ADAMTS3: variants seen among roughly 807,000 people sequenced by gnomAD.
ADAMTS3 encodes the protein A disintegrin and metalloproteinase with thrombospondin motifs 3.
ADAMTS3 carries 73 observed loss-of-function variants against 129.0 expected under a neutral mutation model. That is an observed-to-expected ratio of 0.57 (90% CI 0.47 to 0.69). The LOEUF (loss-of-function observed/expected upper bound fraction) is 0.69, where lower values mean the gene tolerates loss of function less well. Among genes scored for constraint, ADAMTS3 ranks in the 30% least tolerant of loss-of-function variants. The pLI, the probability that ADAMTS3 is intolerant of heterozygous loss-of-function variation, is 0.00. For synonymous variants in ADAMTS3, 477 were observed against 510.8 expected (o/e 0.93, Z 0.89); for missense variants, 1,457 against 1,514.5 (o/e 0.96, Z 0.63).
At chr4:72,417,931 T>TTAAAA (rs76545577) in intron 3 of ADAMTS3, among the ~76,000 whole-genome samples, 5 of 100,680 alleles carry the variant, frequency 5.0e-5, no homozygotes, top group South Asian at 4.2e-4. Context: ...AGACTCCATC[T>TTAAAA]CAAAAAAAAA....
At chr4:72,298,482 GT>G (rs1553904304) in intron 17 of ADAMTS3, 40 bp from the exon 18 acceptor site, 7 of 1,452,568 alleles carry the variant, frequency 4.8e-6, no homozygotes, top group Non-Finnish European at 6.5e-6. Flanking sequence ...TCACCTGAGG[GT>G]TTTAAATTTT....
At chr4:72,556,807 T>A (rs545862564) in intron 2 of ADAMTS3, among the ~76,000 whole-genome samples, 2 of 151,914 alleles carry the variant, frequency 1.3e-5, no homozygotes, top group East Asian at 3.9e-4. Context: ...AATAACACTT[T>A]AATAAATGAA....
chr4:72,500,826 C>T (rs754156202), intron 3 of ADAMTS3, among the ~76,000 whole-genome samples: 4 of 152,114 alleles, frequency 2.6e-5, no homozygotes, highest in African/African-American at 7.2e-5. Context: ...CGTTCTTCTG[C>T]AAATGGCTAG....
intron 4 of ADAMTS3, among the ~76,000 whole-genome samples, chr4:72,395,812 TTGTG>T (rs149262244): frequency 3.3e-5 from 5 of 150,350 alleles, no homozygotes; most frequent in Admixed American, 2.0e-4. Flanking sequence ...AGTAGTATAT[TTGTG>T]TGTGTGTGTG....
intron 13 of ADAMTS3, 25 bp from the exon 14 acceptor site, chr4:72,311,206 A>G (rs1336411113): frequency 6.3e-7 from 1 of 1,593,072 alleles, no homozygotes; most frequent in Admixed American, 1.7e-5. Context: ...GGATAAAATT[A>G]ACTATTTACA....
chr4:72,316,011 T>C (rs1261897731), intron 10 of ADAMTS3, 40 bp from the exon 11 acceptor site: 1 of 1,264,588 alleles, frequency 7.9e-7, no homozygotes, highest in Non-Finnish European at 1.1e-6. Context: ...AACTCTCAGC[T>C]AGCATGACAT....
chr4:72,329,197 C>T (rs1719776078), intron 5 of ADAMTS3, among the ~76,000 whole-genome samples: 1 of 151,856 alleles, frequency 6.6e-6, no homozygotes, highest in Non-Finnish European at 1.5e-5. Flanking sequence ...AAAATGAATG[C>T]AAAAAGACAT....
intron 2 of ADAMTS3, among the ~76,000 whole-genome samples, chr4:72,559,630 T>C (rs1445709593): frequency 6.6e-6 from 1 of 151,440 alleles, no homozygotes; most frequent in Non-Finnish European, 1.5e-5. Context: ...TGAGTAAAAG[T>C]TTTTTTAAAA....
At chr4:72,288,588 T>C (rs935867369) in intron 21 of ADAMTS3, among the ~76,000 whole-genome samples, 163 bp downstream of exon 21, 1 of 152,202 alleles carries the variant, frequency 6.6e-6, no homozygotes, top group African/African-American at 2.4e-5. Flanking sequence ...TTACCTCAAA[T>C]GCTGATCTTA....
intron 4 of ADAMTS3, among the ~76,000 whole-genome samples, chr4:72,384,921 C>A (rs1346721969): frequency 6.6e-6 from 1 of 152,136 alleles, no homozygotes; most frequent in African/African-American, 2.4e-5. Context: ...GTAATCCCAG[C>A]ACTTTGGGAG....
At chr4:72,401,983 T>C (rs1409678364) in intron 4 of ADAMTS3, among the ~76,000 whole-genome samples, 1 of 152,228 alleles carries the variant, frequency 6.6e-6, no homozygotes, top group African/African-American at 2.4e-5. Flanking sequence ...TCTAAGACAC[T>C]GAATCGATCT....
chr4:72,293,306 C>T (rs1268397993), intron 19 of ADAMTS3, among the ~76,000 whole-genome samples: 1 of 152,110 alleles, frequency 6.6e-6, no homozygotes, highest in East Asian at 1.9e-4. Flanking sequence ...GTTAGACCTC[C>T]TGATTCTTAA....
chr4:72,298,216 G>GGTTT, intron 18 of ADAMTS3, 61 bp downstream of exon 18: 1 of 1,420,504 alleles, frequency 7.0e-7, no homozygotes, highest in Non-Finnish European at 9.6e-7. Context: ...AATAAAGGTA[G>GGTTT]AAGCAAGATT....
At chr4:72,388,583 T>C (rs554879441) in intron 4 of ADAMTS3, among the ~76,000 whole-genome samples, 2 of 152,332 alleles carry the variant, frequency 1.3e-5, no homozygotes, top group East Asian at 3.9e-4. Context: ...TTCTGGACTA[T>C]GAACATTAGA....
rs1173903510 is a variant in ADAMTS3, at chr4:72,291,041, T to G, written c.2745A>C (p.Glu915Asp). The G allele has an allele frequency of 6.2e-7, 1 of 1,613,964 alleles. No homozygotes were observed. Among genetic ancestry groups the G allele is most frequent in the Non-Finnish European group, 8.5e-7 (1 of 1,179,910 alleles). Residue 915 changes from glutamate to aspartate, a missense_variant, in exon 20 of 22, where the codon GAA becomes GAC. Transcript: ENST00000286657. ...THPLWVAEEWEHCTKTCGSSG... is the reference protein window; with the variant it reads ...THPLWVAEEWDHCTKTCGSSG... The stretch of plus-strand genomic sequence containing the variant: ...AACTTCCACAGGTTTTGGTGCAGTG[T>G]TCCCATTCTTCTGCTACCCAGCTGT...
rs182278435 is a variant in ADAMTS3, at chr4:72,500,109, T to A, written c.504+48369A>T. On this transcript the variant is annotated intron_variant, in intron 3 of 21. Transcript: ENST00000286657. ...CATACAAGTGCATGTGTCTTCTTGG[T>A]AGAATGATTTATTTTCTTTTGGATA... is the stretch of plus-strand genomic sequence containing the variant. Among the ~76,000 whole-genome samples the A allele has an allele frequency of 6.6e-4, 100 of 152,298 alleles. 1 individual carries two copies. The highest frequency in any genetic ancestry group is 2.3e-3 in the African/African-American group (94 of 41,572).
chr4:72,487,112 G>A (rs1719611084), intron 3 of ADAMTS3, among the ~76,000 whole-genome samples: 2 of 152,088 alleles, frequency 1.3e-5, no homozygotes, highest in Non-Finnish European at 2.9e-5. Flanking sequence ...ACCACTGTAT[G>A]CCAAAGGTTG....
At chr4:72,428,792 A>T (rs1222917788) in intron 3 of ADAMTS3, among the ~76,000 whole-genome samples, 1 of 152,024 alleles carries the variant, frequency 6.6e-6, no homozygotes, top group East Asian at 1.9e-4. Flanking sequence ...GATGTCTCCC[A>T]ATTCAATTAC....
intron 4 of ADAMTS3, among the ~76,000 whole-genome samples, chr4:72,384,781 A>G (rs1338327427): frequency 2.0e-5 from 3 of 152,226 alleles, no homozygotes; most frequent in Admixed American, 6.5e-5. Flanking sequence ...ATTATTTTCT[A>G]TTCAATTTCT....
Sources: gnomAD v4.1 joint callset for allele counts (sites outside exome capture counted in the v4.1 genomes callset) on GRCh38, gnomAD v4.1.1 for gene constraint, MANE v1.5 for transcripts, NCBI Gene and HGNC (gene_info 2026-07-23, HGNC 2026-07-21) for gene names.